Variants in C4orf51 observed in about 807,000 individuals in gnomAD.
C4orf51 encodes uncharacterized protein C4orf51.
A neutral mutation model predicts 25.2 loss-of-function variants in C4orf51; 25 were observed. That is an observed-to-expected ratio of 0.99 (90% CI 0.72 to 1.39). The LOEUF (loss-of-function observed/expected upper bound fraction) is 1.39, where lower values mean the gene tolerates loss of function less well. C4orf51 is among the 40% of genes most tolerant of loss of function. C4orf51 has a pLI of 0.00. For synonymous variants in C4orf51, 100 were observed against 84.5 expected (o/e 1.18, Z -1.01); for missense variants, 252 against 239.6 (o/e 1.05, Z -0.34).
chr4:145,707,440 T>A (rs1323779224), intron 2 of C4orf51, among the ~76,000 whole-genome samples: 3 of 152,182 alleles, frequency 2.0e-5, no homozygotes, highest in Admixed American at 2.0e-4. Context: ...CCCCAAGAGA[T>A]TGCTCAGTTA....
chr4:145,681,801 ATATGATTAATC>A (rs930685931), intron 1 of C4orf51, among the ~76,000 whole-genome samples: 3 of 152,200 alleles, frequency 2.0e-5, no homozygotes, highest in African/African-American at 7.2e-5. Flanking sequence ...TAACCTGCTC[ATATGATTAATC>A]TATTTGTGGA....
downstream of C4orf51, among the ~76,000 whole-genome samples, chr4:145,733,580 C>T (rs992237998): frequency 6.6e-6 from 1 of 152,190 alleles, no homozygotes; most frequent in East Asian, 1.9e-4. Flanking sequence ...TCCTAGTTAC[C>T]AAGACCGTCC....
chr4:145,709,053 G>T lies in C4orf51; in HGVS notation c.307+12421G>T, dbSNP rs537251548. Among the ~76,000 whole-genome samples, 53 of 152,250 alleles carry T rather than the reference G, an allele frequency of 3.5e-4. 1 individual carries two copies. The highest frequency in any genetic ancestry group is 1.2e-3 in the African/African-American group (50 of 41,552). On this transcript the variant is annotated intron_variant, in intron 2 of 5. Transcript: ENST00000438731. ...GGAGGATGTGAGAAGAATACTCATG[G>T]GAAGCCTTCATATGCTCACAAAAAC...
intron 2 of C4orf51, among the ~76,000 whole-genome samples, chr4:145,719,199 T>C (rs1731582551): frequency 6.6e-6 from 1 of 152,216 alleles, no homozygotes. Context: ...CCTTCCATGG[T>C]TGGCTTTTCC....
intron 1 of C4orf51, among the ~76,000 whole-genome samples, chr4:145,748,276 T>C (rs1478275944): frequency 6.6e-6 from 1 of 152,156 alleles, no homozygotes; most frequent in Non-Finnish European, 1.5e-5. Context: ...GGATCACCTC[T>C]CTTTTTTTCT....
intron 2 of C4orf51, among the ~76,000 whole-genome samples, chr4:145,716,282 C>T (rs780417381): frequency 1.1e-4 from 16 of 152,124 alleles, no homozygotes; most frequent in Non-Finnish European, 1.3e-4. Flanking sequence ...CACCAATACC[C>T]GAAAGCCCTA....
At chr4:145,731,735 C>G (rs980249457) in intron 5 of C4orf51, among the ~76,000 whole-genome samples, 2 of 151,830 alleles carry the variant, frequency 1.3e-5, no homozygotes, top group Non-Finnish European at 2.9e-5. Flanking sequence ...GTGTGTGCCA[C>G]CACACCCAAC....
chr4:145,691,613 C>T (rs1206795542), intron 1 of C4orf51, among the ~76,000 whole-genome samples: 4 of 151,986 alleles, frequency 2.6e-5, no homozygotes, highest in African/African-American at 7.3e-5. Context: ...TACACAGCCA[C>T]GAAAAAGAAT....
chr4:145,717,375 T>C (rs1184661315), intron 2 of C4orf51, among the ~76,000 whole-genome samples: 1 of 152,250 alleles, frequency 6.6e-6, no homozygotes, highest in Non-Finnish European at 1.5e-5. Flanking sequence ...TTTTCATTCT[T>C]TGCAAGTGGT....
At chr4:145,686,111 C>T (rs1729137371) in intron 1 of C4orf51, among the ~76,000 whole-genome samples, 1 of 152,120 alleles carries the variant, frequency 6.6e-6, no homozygotes, top group Non-Finnish European at 1.5e-5. Flanking sequence ...CTGACACATG[C>T]TACAACATGG....
rs557559518 is a variant in C4orf51, at chr4:145,706,003, G to A, written c.307+9371G>A. Among the ~76,000 whole-genome samples the A allele has an allele frequency of 5.9e-5, 9 of 152,164 alleles. No individual in the cohort carries two copies. The East Asian group carries it at 9.6e-4, about 16-fold the overall frequency. On this transcript the variant is annotated intron_variant, in intron 2 of 5. Transcript: ENST00000438731. ...ATCCAGATTTTTACATTACCCATCC[G>A]TCTTATTTCTTCTGAGCTGCAGCCA...
chr4:145,686,308 A>G (rs1729148814), intron 1 of C4orf51, among the ~76,000 whole-genome samples: 1 of 152,218 alleles, frequency 6.6e-6, no homozygotes, highest in South Asian at 2.1e-4. Context: ...GGTTGACTAA[A>G]AAGTTCTAGA....
Position 145,762,951 on chromosome 4 carries a change from C to T in C4orf51, n.167-8037C>T. The T allele has an allele frequency of 2.6e-6, 2 of 755,612 alleles. No homozygotes were observed. Among genetic ancestry groups the T allele is most frequent in the Non-Finnish European group, 4.2e-6 (2 of 473,296 alleles). 46.8% of individuals were successfully genotyped at this position (755,612 alleles called of 1,614,324 possible). ...CAGCAGAGCCCAACACAACCAAGTG[C>T]ACCGTGCACGGCCTCCTCAGCGCCA... On this transcript the variant is annotated intron_variant and non_coding_transcript_variant, in intron 1 of 1. Transcript: ENST00000510096. The surrounding 1 kb of genome is among the most constrained non-coding windows in gnomAD (Gnocchi z 4.9).
chr4:145,789,269 G>A, the C4orf51 span, among the ~76,000 whole-genome samples: 1 of 152,160 alleles, frequency 6.6e-6, no homozygotes, highest in African/African-American at 2.4e-5. Flanking sequence ...TCCATAATTG[G>A]TTAAGTCTCT....
At chr4:145,749,934 A>G (rs1344542078) in intron 1 of C4orf51, among the ~76,000 whole-genome samples, 6 of 152,144 alleles carry the variant, frequency 3.9e-5, no homozygotes, top group Non-Finnish European at 7.4e-5. Context: ...GTGCCCGTCC[A>G]TCACCCATTA....
At chr4:145,760,175 T>G (rs1033194606) in intron 1 of C4orf51, 3 of 152,198 alleles carry the variant, frequency 2.0e-5, no homozygotes, top group African/African-American at 7.2e-5. Context: ...CCTACCACTC[T>G]GTAGCCATCA....
chr4:145,729,518 G>C (rs560601793), intron 4 of C4orf51, among the ~76,000 whole-genome samples: 24 of 152,104 alleles, frequency 1.6e-4, no homozygotes, highest in South Asian at 1.2e-3. Flanking sequence ...AGCCAGGATG[G>C]TCTCGATCTT....
At position 145,762,200 on chromosome 4, in the gene C4orf51, T is replaced by C. The variant is rs1323228869; in HGVS notation, n.167-8788T>C. 6.6e-6 allele frequency among the ~76,000 whole-genome samples: 1 copy of C among 152,154 alleles called. No individual in the cohort carries two copies. Among genetic ancestry groups the C allele is most frequent in the Non-Finnish European group, 1.5e-5 (1 of 68,020 alleles). The stretch of plus-strand genomic sequence containing the variant: ...GTCTCTCTGTGTGAGTGTGTGCATG[T>C]GTACATATCTATGTACTCGTAAAAC... On this transcript the variant is annotated intron_variant and non_coding_transcript_variant, in intron 1 of 1. Coordinates refer to the C4orf51 transcript ENST00000510096. This position sits in a 1 kb window ranked among gnomAD's most constrained non-coding sequence, Gnocchi z 4.9.
the C4orf51 span, among the ~76,000 whole-genome samples, chr4:145,790,967 C>T: frequency 6.6e-6 from 1 of 152,138 alleles, no homozygotes; most frequent in South Asian, 2.1e-4. Flanking sequence ...TCCAGAAATC[C>T]TACCTATTTG....
Sources: gnomAD v4.1 joint callset for allele counts (sites outside exome capture counted in the v4.1 genomes callset) on GRCh38, gnomAD v4.1.1 for gene constraint, Gnocchi (gnomAD v3.1) non-coding constraint, MANE v1.5 for transcripts, NCBI Gene and HGNC (gene_info 2026-07-23, HGNC 2026-07-21) for gene names.